Variants in DAPP1 observed in about 807,000 individuals in gnomAD.
The protein encoded by DAPP1 is dual adapter for phosphotyrosine and 3-phosphotyrosine and 3-phosphoinositide.
In DAPP1, 20 loss-of-function variants were observed where a neutral mutation model predicts 41.5. The observed-to-expected ratio is 0.48, with a 90% confidence interval of 0.34 to 0.70. The LOEUF is 0.70. Among genes scored for constraint, DAPP1 ranks in the 30% least tolerant of loss-of-function variants. The probability of loss-of-function intolerance (pLI) is 0.01; values close to 1 mark genes in which losing one functional copy is unlikely to be tolerated. For missense variants in DAPP1, 233 were observed against 333.4 expected (o/e 0.70, Z 2.35); for synonymous variants, 113 against 116.2 (o/e 0.97, Z 0.18).
chr4:99,838,102 G>T (rs1200870225), intron 2 of DAPP1, among the ~76,000 whole-genome samples: 1 of 152,120 alleles, frequency 6.6e-6, no homozygotes, highest in Non-Finnish European at 1.5e-5. Flanking sequence ...TGGCTGGCAG[G>T]GGGATGGATG....
intron 2 of DAPP1, among the ~76,000 whole-genome samples, chr4:99,838,041 T>C (rs1184181804): frequency 6.6e-6 from 1 of 152,114 alleles, no homozygotes; most frequent in East Asian, 1.9e-4. Context: ...GGAGCAACTA[T>C]AAATAAAAAT....
At chr4:99,820,205 C>T (rs144183634) in intron 1 of DAPP1, among the ~76,000 whole-genome samples, 10 of 152,070 alleles carry the variant, frequency 6.6e-5, no homozygotes, top group East Asian at 3.9e-4. Flanking sequence ...GGACCATGAA[C>T]GAGGAGATGG....
intron 3 of DAPP1, among the ~76,000 whole-genome samples, chr4:99,848,359 C>T (rs910695861): frequency 6.6e-6 from 1 of 151,650 alleles, no homozygotes; most frequent in Non-Finnish European, 1.5e-5. Flanking sequence ...TCCCAAGTAG[C>T]TGGGACTACA....
In DAPP1 at chr4:99,868,218, A is replaced by G; in HGVS notation, c.*33A>G. 1 of 1,579,654 alleles carries G rather than the reference A, an allele frequency of 6.3e-7. No homozygotes were observed. Among genetic ancestry groups the G allele is most frequent in the Non-Finnish European group, 8.7e-7 (1 of 1,148,760 alleles). On this transcript the variant is annotated 3_prime_UTR_variant, in exon 9 of 9. Coordinates refer to ENST00000512369, the MANE Select transcript of DAPP1 (RefSeq NM_014395.3). ...TTGCCAAGGAATGCTCTGGCCCAGG[A>G]GCAAGGTGGAATGTTTCCCTGACGC...
intron 1 of DAPP1, among the ~76,000 whole-genome samples, chr4:99,833,339 G>A (rs1020840734): frequency 1.3e-5 from 2 of 152,172 alleles, no homozygotes; most frequent in Admixed American, 6.5e-5. Context: ...CTTTCAGCTA[G>A]CAAATATATT....
chr4:99,854,601 T>G (rs1371519099), intron 4 of DAPP1, among the ~76,000 whole-genome samples: 1 of 151,972 alleles, frequency 6.6e-6, no homozygotes, highest in Non-Finnish European at 1.5e-5. Flanking sequence ...CTTGCCTCTC[T>G]GTCTTCATCT....
chr4:99,825,610 A>G (rs1207288879), intron 1 of DAPP1, among the ~76,000 whole-genome samples: 2 of 152,186 alleles, frequency 1.3e-5, no homozygotes, highest in African/African-American at 2.4e-5. Context: ...TAGAAAAGCA[A>G]TTTTGAAAGA....
At chr4:99,826,329 AT>A (rs1722936021) in intron 1 of DAPP1, among the ~76,000 whole-genome samples, 2 of 152,068 alleles carry the variant, frequency 1.3e-5, no homozygotes, top group South Asian at 4.1e-4. Flanking sequence ...ATAAGAGAAA[AT>A]TTTCTAAAGA....
intron 1 of DAPP1, among the ~76,000 whole-genome samples, chr4:99,834,214 A>T (rs1452753422): frequency 6.6e-6 from 1 of 152,204 alleles, no homozygotes; most frequent in Non-Finnish European, 1.5e-5. Flanking sequence ...TAATGCTCGT[A>T]TGTTTGTAGA....
chr4:99,862,981 G>T, intron 5 of DAPP1, 29 bp from the exon 6 acceptor site: 2 of 1,534,506 alleles, frequency 1.3e-6, no homozygotes, highest in Non-Finnish European at 1.8e-6. Context: ...GTGTGTCTGT[G>T]TGTTTGTGTG....
In DAPP1 at chr4:99,845,832, A is replaced by G. The variant is rs534156271; in HGVS notation, c.358+5410A>G. Among the ~76,000 whole-genome samples, 3 of 152,376 alleles carry G rather than the reference A, an allele frequency of 2.0e-5. No homozygotes were observed. The East Asian group carries it at 5.8e-4, about 29-fold the overall frequency. ...TTAGTCATGTGTCTTCAGCAAGGATATCAAACAGCCTGTCTAAGTATAACA... is the reference window on the plus strand; with the variant it reads ...TTAGTCATGTGTCTTCAGCAAGGATGTCAAACAGCCTGTCTAAGTATAACA... On this transcript the variant is annotated intron_variant, in intron 3 of 8. Coordinates refer to ENST00000512369, the MANE Select transcript of DAPP1 (RefSeq NM_014395.3).
intron 1 of DAPP1, among the ~76,000 whole-genome samples, chr4:99,821,989 G>A (rs779291069): frequency 2.6e-5 from 4 of 152,180 alleles, no homozygotes; most frequent in African/African-American, 7.2e-5. Context: ...TGTTTACAGC[G>A]GTGTGACACT....
At chr4:99,840,978 G>GA (rs973755578) in intron 3 of DAPP1, among the ~76,000 whole-genome samples, 9 of 151,398 alleles carry the variant, frequency 5.9e-5, no homozygotes, top group Non-Finnish European at 1.0e-4. Flanking sequence ...CATGTGTAAA[G>GA]AAAAAAAACA....
In DAPP1 at chr4:99,868,199, A is replaced by G. The variant is rs1316925221; in HGVS notation, c.*14A>G. The G allele has an allele frequency of 6.2e-7, 1 of 1,612,122 alleles. No individual in the cohort carries two copies. The highest frequency in any genetic ancestry group is 8.5e-7 in the Non-Finnish European group (1 of 1,178,196). Reference sequence around the variant, plus strand: ...ATCTTTAAATAGATCTTTCTTGCCAAGGAATGCTCTGGCCCAGGAGCAAGG... The same window carrying G: ...ATCTTTAAATAGATCTTTCTTGCCAGGGAATGCTCTGGCCCAGGAGCAAGG... On this transcript the variant is annotated 3_prime_UTR_variant, in exon 9 of 9. Coordinates refer to ENST00000512369, the MANE Select transcript of DAPP1 (RefSeq NM_014395.3).
At chr4:99,826,401 G>GT (rs888314826) in intron 1 of DAPP1, among the ~76,000 whole-genome samples, 3 of 152,086 alleles carry the variant, frequency 2.0e-5, no homozygotes, top group Non-Finnish European at 2.9e-5. Flanking sequence ...ACAATCAGGA[G>GT]TTTTTTTCCC....
intron 1 of DAPP1, among the ~76,000 whole-genome samples, chr4:99,827,541 AAC>A (rs1280614865): frequency 1.6e-5 from 2 of 121,894 alleles, no homozygotes; most frequent in African/African-American, 7.9e-5. Context: ...TCAAAAAAAA[AAC>A]AACAAAAAAA....
intron 3 of DAPP1, among the ~76,000 whole-genome samples, chr4:99,851,625 C>T (rs1194850915): frequency 6.6e-6 from 1 of 151,122 alleles, no homozygotes; most frequent in Non-Finnish European, 1.5e-5. Context: ...ACCGCAACCC[C>T]CGCCTCCCGG....
chr4:99,830,729 C>A (rs1723093860), intron 1 of DAPP1, among the ~76,000 whole-genome samples: 1 of 152,152 alleles, frequency 6.6e-6, no homozygotes, highest in Admixed American at 6.6e-5. Context: ...CCAAACCCCA[C>A]CAGACTTTTA....
intron 1 of DAPP1, among the ~76,000 whole-genome samples, chr4:99,829,884 G>A (rs116832166): frequency 0.012 from 1,768 of 152,032 alleles, 42 homozygotes; most frequent in African/African-American, 0.039. Context: ...ATACAAATAC[G>A]TTATTTTCTC....
Sources: allele counts gnomAD v4.1 joint callset (sites outside exome capture counted in the v4.1 genomes callset), GRCh38; gene constraint gnomAD v4.1.1; transcripts MANE v1.5; gene names NCBI Gene and HGNC (gene_info 2026-07-23, HGNC 2026-07-21).